PEX39: variants seen among roughly 807,000 people sequenced by gnomAD.
PEX39 encodes peroxisomal biogenesis factor 39.
the PEX39 span, chr6:42,890,728 G>A: frequency 3.1e-6 from 5 of 1,610,046 alleles, no homozygotes; most frequent in East Asian, 2.2e-5. Context: ...AGCTGCGCCA[G>A]GGTAACCGAA....
At chr6:42,890,500 G>T in the PEX39 span, 691 of 1,545,770 alleles carry the variant, frequency 4.5e-4, 4 homozygotes, top group African/African-American at 7.9e-3. Flanking sequence ...CCCACTGTAT[G>T]CCATGAAGAA....
the PEX39 span, chr6:42,890,775 C>T: frequency 3.1e-6 from 5 of 1,588,770 alleles, no homozygotes; most frequent in Middle Eastern, 1.9e-4. Context: ...TTGGGGACTG[C>T]GGGGACGCTC....
chr6:42,890,654 G>T, the PEX39 span: 1 of 1,612,822 alleles, frequency 6.2e-7, no homozygotes, highest in Non-Finnish European at 8.5e-7. Context: ...GTTCGCCGTG[G>T]ATCGCCGCGA....
the PEX39 span, chr6:42,890,796 C>T: frequency 2.6e-6 from 4 of 1,560,118 alleles, no homozygotes; most frequent in African/African-American, 4.1e-5. Flanking sequence ...CATGTCGGGT[C>T]GCGAATCCTG....
chr6:42,890,800 A>G, the PEX39 span: 1 of 1,559,486 alleles, frequency 6.4e-7, no homozygotes. Context: ...TCGGGTCGCG[A>G]ATCCTGACCG....
At chr6:42,890,577 G>A in the PEX39 span, 40 of 1,610,224 alleles carry the variant, frequency 2.5e-5, no homozygotes, top group South Asian at 4.2e-4. Flanking sequence ...GGTCGGAGGG[G>A]GAAGGGACTC....
the PEX39 span, chr6:42,890,420 T>A: frequency 4.8e-6 from 7 of 1,448,444 alleles, no homozygotes. Context: ...GATGAGTAAC[T>A]GAATGGCATC....
the PEX39 span, chr6:42,890,610 G>C: frequency 6.2e-7 from 1 of 1,612,332 alleles, no homozygotes; most frequent in East Asian, 2.2e-5. Flanking sequence ...GGCCTCCCAG[G>C]GCTTGGGCCT....
At chr6:42,890,763 C>A in the PEX39 span, 2 of 1,599,538 alleles carry the variant, frequency 1.3e-6, no homozygotes, top group Non-Finnish European at 1.7e-6. Flanking sequence ...CGGGGCCGAG[C>A]ATTGGGGACT....
At chr6:42,890,749 A>C in the PEX39 span, 1 of 1,605,786 alleles carries the variant, frequency 6.2e-7, no homozygotes, top group Non-Finnish European at 8.5e-7. Flanking sequence ...GCTGAGGCAG[A>C]GGCCGGGGCC....
the PEX39 span, chr6:42,890,521 C>T: frequency 1.3e-6 from 2 of 1,564,588 alleles, no homozygotes; most frequent in Non-Finnish European, 1.7e-6. Context: ...GGCGCAGTCG[C>T]TGCCTCAACC....
the PEX39 span, chr6:42,890,674 T>G: frequency 1.3e-4 from 205 of 1,612,706 alleles, 2 homozygotes; most frequent in South Asian, 2.2e-3. Context: ...ATGTGGCGTT[T>G]CTCCAGGCCC....
chr6:42,890,544 GC>G, the PEX39 span: 1 of 1,586,164 alleles, frequency 6.3e-7, no homozygotes, highest in Non-Finnish European at 8.6e-7. Flanking sequence ...GCCAGGCTCC[GC>G]CGGGGCCGTT....
chr6:42,890,432 C>G, the PEX39 span: 1 of 1,476,358 alleles, frequency 6.8e-7, no homozygotes, highest in Non-Finnish European at 9.0e-7. Flanking sequence ...AATGGCATCC[C>G]GGGTCCTGTA....
At chr6:42,890,345 G>T in the PEX39 span, 1 of 729,418 alleles carries the variant, frequency 1.4e-6, no homozygotes, top group Non-Finnish European at 2.0e-6. Flanking sequence ...AAATGTAAAT[G>T]CAAAACCCCC....
chr6:42,890,409 AGAT>A, the PEX39 span: 1 of 1,406,048 alleles, frequency 7.1e-7, no homozygotes, highest in Non-Finnish European at 9.5e-7. Flanking sequence ...AAAGCATAAA[AGAT>A]GAGTAACTGA....
At chr6:42,890,629 G>T in the PEX39 span, 3 of 1,612,634 alleles carry the variant, frequency 1.9e-6, no homozygotes. Context: ...CTCCGCGGCA[G>T]CCGGGACGCT....
chr6:42,890,533 A>G, the PEX39 span: 4 of 1,580,046 alleles, frequency 2.5e-6, no homozygotes, highest in South Asian at 4.6e-5. Flanking sequence ...GCCTCAACCA[A>G]GCCAGGCTCC....
chr6:42,890,564 G>C, the PEX39 span: 2 of 1,607,048 alleles, frequency 1.2e-6, no homozygotes, highest in Non-Finnish European at 1.7e-6. Flanking sequence ...TTCCTATCCT[G>C]AGGGTCGGAG....
Sources: gnomAD v4.1 joint callset for allele counts on GRCh38, gnomAD v4.1.1 for gene constraint, MANE v1.5 for transcripts, NCBI Gene and HGNC (gene_info 2026-07-23, HGNC 2026-07-21) for gene names.